Variants in PLCB1 observed in about 807,000 individuals in gnomAD.
The protein encoded by PLCB1 is phospholipase C beta 1, also known as 1-phosphatidylinositol 4,5-bisphosphate phosphodiesterase beta-1.
PLCB1 carries 46 observed loss-of-function variants against 161.8 expected under a neutral mutation model. The ratio of observed to expected loss-of-function variants is 0.28; its 90% confidence interval spans 0.22 to 0.36. The LOEUF is 0.36. PLCB1 is among the 10% of genes least tolerant of loss of function. The probability of loss-of-function intolerance (pLI) is 1.00; values close to 1 mark genes in which losing one functional copy is unlikely to be tolerated. For synonymous variants in PLCB1, 517 were observed against 503.7 expected (o/e 1.03, Z -0.35); for missense variants, 1,016 against 1,472.5 (o/e 0.69, Z 5.07).
At chr20:8,543,107 C>T (rs1394552389) in intron 3 of PLCB1, among the ~76,000 whole-genome samples, 2 of 152,248 alleles carry the variant, frequency 1.3e-5, no homozygotes, top group African/African-American at 2.4e-5. Context: ...GAATCTCAGG[C>T]CCCACCCCAG....
chr20:8,354,341 A>G (rs1381757155), intron 2 of PLCB1, among the ~76,000 whole-genome samples: 6 of 152,200 alleles, frequency 3.9e-5, no homozygotes, highest in Non-Finnish European at 8.8e-5. Context: ...AACAAAATCT[A>G]AAAGTGGACC....
At chr20:8,676,042 CAG>C (rs1990065024) in intron 9 of PLCB1, among the ~76,000 whole-genome samples, 2 of 152,206 alleles carry the variant, frequency 1.3e-5, no homozygotes, top group Admixed American at 6.5e-5. Context: ...GTCAGGAAAA[CAG>C]AGAGTGTGAG....
chr20:8,777,328 C>T (rs1982992754), intron 27 of PLCB1, among the ~76,000 whole-genome samples: 1 of 152,042 alleles, frequency 6.6e-6, no homozygotes, highest in African/African-American at 2.4e-5. Context: ...AGAAGCCGTC[C>T]CAAAGTTCAG....
At chr20:8,682,982 A>T (rs1358690449) in intron 9 of PLCB1, among the ~76,000 whole-genome samples, 1 of 152,076 alleles carries the variant, frequency 6.6e-6, no homozygotes, top group Non-Finnish European at 1.5e-5. Context: ...ATTAGAAACA[A>T]CTTTAATGAT....
chr20:8,808,981 T>C (rs1465619438), intron 31 of PLCB1, among the ~76,000 whole-genome samples: 2 of 152,192 alleles, frequency 1.3e-5, no homozygotes, highest in African/African-American at 4.8e-5. Context: ...AATTTTTTCC[T>C]AGAGCTTTGT....
chr20:8,257,551 C>T (rs1981490319), intron 2 of PLCB1, among the ~76,000 whole-genome samples: 1 of 152,092 alleles, frequency 6.6e-6, no homozygotes, highest in South Asian at 2.1e-4. Context: ...TATGTGTTAC[C>T]TGTGTGTTCT....
rs193105646 is a variant in PLCB1, at chr20:8,178,093, A to G, written c.177+27722A>G. Among the ~76,000 whole-genome samples, 386 of 152,264 alleles carry G rather than the reference A, an allele frequency of 2.5e-3. 12 individuals carry two copies. Among genetic ancestry groups the G allele is most frequent in the Admixed American group, 0.025 (382 of 15,286 alleles). On this transcript the variant is annotated intron_variant, in intron 2 of 31. Transcript: ENST00000338037. ...GTACCATATTTTCTTTATCCAGGCT[A>G]CTGTTGATGGGCATTTAGGTTGGTT...
At chr20:8,417,079 T>A (rs1327833845) in intron 3 of PLCB1, among the ~76,000 whole-genome samples, 649 of 57,666 alleles carry the variant, frequency 0.011, 15 homozygotes, top group South Asian at 0.022. Context: ...ATATATTTTT[T>A]TTTTTTTTTT....
intron 31 of PLCB1, among the ~76,000 whole-genome samples, chr20:8,876,649 G>A (rs960857192): frequency 6.6e-6 from 1 of 152,190 alleles, no homozygotes; most frequent in Admixed American, 6.5e-5. Flanking sequence ...GTTCTGGTCT[G>A]GACCAGGCTC....
At chr20:8,364,967 C>G (rs754443842) in intron 2 of PLCB1, among the ~76,000 whole-genome samples, 2 of 152,036 alleles carry the variant, frequency 1.3e-5, no homozygotes, top group Non-Finnish European at 2.9e-5. Context: ...ATTTACATTC[C>G]TTGTGTTTCT....
At chr20:8,614,584 CTGTGTGTGTG>C (rs71331317) in intron 3 of PLCB1, among the ~76,000 whole-genome samples, 5,734 of 147,186 alleles carry the variant, frequency 0.039, 133 homozygotes, top group East Asian at 0.059. Context: ...ATGTAAAATT[CTGTGTGTGTG>C]TGTGTGTGTG....
At chr20:8,831,097 C>G (rs920779419) in intron 31 of PLCB1, 4 of 152,200 alleles carry the variant, frequency 2.6e-5, no homozygotes, top group African/African-American at 9.7e-5. Context: ...ACGCCCTGCT[C>G]TTATTACTAA....
intron 9 of PLCB1, among the ~76,000 whole-genome samples, chr20:8,670,490 T>C (rs1989915704): frequency 6.6e-6 from 1 of 152,160 alleles, no homozygotes. Context: ...TACATAGCCA[T>C]TTAGGGGCCA....
chr20:8,607,531 C>T (rs749135575), intron 3 of PLCB1, among the ~76,000 whole-genome samples: 8 of 152,278 alleles, frequency 5.3e-5, no homozygotes, highest in South Asian at 2.1e-4. Context: ...CAAGCCAATC[C>T]GTTCCCACCC....
At chr20:8,691,292 T>C (rs544994272) in intron 10 of PLCB1, among the ~76,000 whole-genome samples, 6 of 152,152 alleles carry the variant, frequency 3.9e-5, no homozygotes, top group Non-Finnish European at 7.4e-5. Context: ...AATTGAATCC[T>C]ATTAAATTTT....
At chr20:8,776,530 C>A (rs1982952470) in intron 27 of PLCB1, among the ~76,000 whole-genome samples, 2 of 152,130 alleles carry the variant, frequency 1.3e-5, no homozygotes, top group Non-Finnish European at 2.9e-5. Flanking sequence ...CTTTATTTCC[C>A]AATCATACAA....
chr20:8,482,254 C>G (rs1307287751), intron 3 of PLCB1, among the ~76,000 whole-genome samples: 1 of 151,782 alleles, frequency 6.6e-6, no homozygotes. Flanking sequence ...CAGGCACATA[C>G]CAGCACGTCC....
At chr20:8,413,507 A>G (rs1211709544) in intron 3 of PLCB1, among the ~76,000 whole-genome samples, 1 of 152,234 alleles carries the variant, frequency 6.6e-6, no homozygotes, top group Non-Finnish European at 1.5e-5. Flanking sequence ...ATTAAAGTAC[A>G]CAAAATGTAT....
At chr20:8,748,458 C>T (rs555236653) in intron 23 of PLCB1, among the ~76,000 whole-genome samples, 1 of 152,328 alleles carries the variant, frequency 6.6e-6, no homozygotes, top group African/African-American at 2.4e-5. Flanking sequence ...TTCAATTCAG[C>T]TGCTTTTACG....
Sources: allele counts gnomAD v4.1 joint callset (sites outside exome capture counted in the v4.1 genomes callset), GRCh38; gene constraint gnomAD v4.1.1; transcripts MANE v1.5; gene names NCBI Gene and HGNC (gene_info 2026-07-23, HGNC 2026-07-21).